ESRRG: variants seen among roughly 807,000 people sequenced by gnomAD.
ESRRG encodes estrogen related receptor gamma.
In ESRRG, 13 loss-of-function variants were observed where a neutral mutation model predicts 44.0. That is an observed-to-expected ratio of 0.30 (90% CI 0.19 to 0.47). The LOEUF (loss-of-function observed/expected upper bound fraction) is 0.47, where lower values mean the gene tolerates loss of function less well. Among genes scored for constraint, ESRRG ranks in the 20% least tolerant of loss-of-function variants. ESRRG has a pLI of 1.00. For synonymous variants in ESRRG, 215 were observed against 214.6 expected (o/e 1.00, Z -0.02); for missense variants, 395 against 580.6 (o/e 0.68, Z 3.29).
At chr1:216,830,783 A>C (rs901556916) in intron 2 of ESRRG, among the ~76,000 whole-genome samples, 2 of 152,142 alleles carry the variant, frequency 1.3e-5, no homozygotes, top group Non-Finnish European at 2.9e-5. Flanking sequence ...TAACTGTTCG[A>C]TCCTCAGATA....
intron 3 of ESRRG, among the ~76,000 whole-genome samples, chr1:216,614,046 C>T (rs757319922): frequency 2.0e-5 from 3 of 152,168 alleles, no homozygotes; most frequent in African/African-American, 7.2e-5. Context: ...ACTTCCACAC[C>T]CTGCTTTACA....
At chr1:216,738,994 G>C (rs754486610) in intron 2 of ESRRG, among the ~76,000 whole-genome samples, 1 of 152,124 alleles carries the variant, frequency 6.6e-6, no homozygotes, top group Non-Finnish European at 1.5e-5. Flanking sequence ...GGGATTACAG[G>C]TATGTCCCAC....
At chr1:217,112,780 T>C (rs192439299) in intron 1 of ESRRG, among the ~76,000 whole-genome samples, 52 of 152,310 alleles carry the variant, frequency 3.4e-4, no homozygotes, top group East Asian at 1.7e-3. Context: ...ATCCAGTCTT[T>C]CTTAAGACCT....
chr1:216,512,959 G>A (rs2043146449), intron 6 of ESRRG, among the ~76,000 whole-genome samples: 1 of 152,132 alleles, frequency 6.6e-6, no homozygotes, highest in East Asian at 1.9e-4. Context: ...TCAGGCCCAG[G>A]AGCTGGAAAA....
At chr1:216,861,843 A>T (rs1269884145) in intron 2 of ESRRG, among the ~76,000 whole-genome samples, 1 of 152,184 alleles carries the variant, frequency 6.6e-6, no homozygotes, top group Non-Finnish European at 1.5e-5. Context: ...TCAAAACTCA[A>T]TAACAAGAAA....
chr1:216,707,512 G>T, intron 1 of ESRRG: 1 of 1,518,998 alleles, frequency 6.6e-7, no homozygotes, highest in South Asian at 1.2e-5. Context: ...CAGAAAGTTA[G>T]GGTGAAAGTT....
intron 1 of ESRRG, among the ~76,000 whole-genome samples, chr1:216,689,936 T>C (rs1258474779): frequency 6.6e-6 from 1 of 152,024 alleles, no homozygotes; most frequent in Non-Finnish European, 1.5e-5. Context: ...TTCACACACA[T>C]AAGAGAGGCT....
intron 1 of ESRRG, among the ~76,000 whole-genome samples, chr1:216,712,679 G>A (rs866523647): frequency 4.6e-5 from 7 of 152,120 alleles, no homozygotes; most frequent in African/African-American, 1.2e-4. Flanking sequence ...TTTTATTTCC[G>A]TTGAATCTTA....
At chr1:216,970,170 G>A (rs1389330458) in intron 1 of ESRRG, among the ~76,000 whole-genome samples, 1 of 152,086 alleles carries the variant, frequency 6.6e-6, no homozygotes, top group African/African-American at 2.4e-5. Context: ...ATCACCCATG[G>A]AAACATTACT....
chr1:216,552,274 A>G (rs1397305319), intron 5 of ESRRG, among the ~76,000 whole-genome samples: 1 of 152,178 alleles, frequency 6.6e-6, no homozygotes, highest in Non-Finnish European at 1.5e-5. Context: ...ATCTAATACT[A>G]TGCATAAGCA....
chr1:217,084,709 C>A (rs1478705344), intron 1 of ESRRG, among the ~76,000 whole-genome samples: 3 of 152,088 alleles, frequency 2.0e-5, no homozygotes, highest in African/African-American at 4.8e-5. Context: ...TTGTTAACAT[C>A]CTTTTAAGTG....
At chr1:216,555,563 A>C (rs1169815994) in intron 5 of ESRRG, among the ~76,000 whole-genome samples, 1 of 152,084 alleles carries the variant, frequency 6.6e-6, no homozygotes, top group African/African-American at 2.4e-5. Flanking sequence ...TGAATAGTTA[A>C]AACAATTTTA....
At chr1:217,093,777 CT>C (rs11353314), upstream of ESRRG, among the ~76,000 whole-genome samples, 54 of 150,270 alleles carry the variant, frequency 3.6e-4, no homozygotes, top group African/African-American at 1.2e-3. Flanking sequence ...AGTGAGACCC[CT>C]GTCTCAAAAA....
chr1:217,012,096 T>C (rs2078704273), intron 1 of ESRRG, among the ~76,000 whole-genome samples: 1 of 152,092 alleles, frequency 6.6e-6, no homozygotes, highest in Non-Finnish European at 1.5e-5. Context: ...AAGTAAAACT[T>C]TGGAGGGGAC....
At chr1:216,872,950 T>A (rs929039827) in intron 2 of ESRRG, among the ~76,000 whole-genome samples, 4 of 152,180 alleles carry the variant, frequency 2.6e-5, no homozygotes, top group Non-Finnish European at 5.9e-5. Flanking sequence ...GATACTTTTG[T>A]TTTACCAACC....
intron 1 of ESRRG, among the ~76,000 whole-genome samples, chr1:216,951,997 C>T (rs2067046603): frequency 6.6e-6 from 1 of 151,958 alleles, no homozygotes; most frequent in Admixed American, 6.6e-5. Flanking sequence ...GTTTTGGCCA[C>T]TTCTTACCAT....
intron 1 of ESRRG, among the ~76,000 whole-genome samples, chr1:217,086,339 A>G (rs182137621): frequency 6.6e-6 from 1 of 152,306 alleles, no homozygotes; most frequent in East Asian, 1.9e-4. Context: ...AGCTATCCCC[A>G]TTTCATAGGG....
chr1:216,760,671 A>G (rs774781556), intron 2 of ESRRG, among the ~76,000 whole-genome samples: 2 of 152,142 alleles, frequency 1.3e-5, no homozygotes, highest in African/African-American at 4.8e-5. Flanking sequence ...GAGTTTAAAA[A>G]CATCCCAGAA....
intron 2 of ESRRG, among the ~76,000 whole-genome samples, chr1:216,860,426 A>G (rs1030265240): frequency 2.0e-5 from 3 of 152,156 alleles, no homozygotes; most frequent in African/African-American, 7.2e-5. Flanking sequence ...AATAAGAAAC[A>G]TAAAGAAAAT....
Sources: gnomAD v4.1 joint callset for allele counts (sites outside exome capture counted in the v4.1 genomes callset) on GRCh38, gnomAD v4.1.1 for gene constraint, MANE v1.5 for transcripts, NCBI Gene and HGNC (gene_info 2026-07-23, HGNC 2026-07-21) for gene names.